PDE4D: variants seen among roughly 807,000 people sequenced by gnomAD.
The protein encoded by PDE4D is 3',5'-cyclic-AMP phosphodiesterase 4D.
Under a neutral mutation model 87.4 loss-of-function variants are expected in PDE4D, and 24 were observed. That is an observed-to-expected ratio of 0.27 (90% CI 0.20 to 0.39). The LOEUF is 0.39. Among genes scored for constraint, PDE4D ranks in the 10% least tolerant of loss-of-function variants. The pLI is 1.00. For synonymous variants in PDE4D, 384 were observed against 383.2 expected (o/e 1.00, Z -0.02); for missense variants, 714 against 1,041.0 (o/e 0.69, Z 4.32).
chr5:59,695,219 T>G (rs1751583074), intron 1 of PDE4D, among the ~76,000 whole-genome samples: 1 of 150,418 alleles, frequency 6.6e-6, no homozygotes, highest in East Asian at 1.9e-4. Context: ...AAATATCGAG[T>G]CAAGGAGCAT....
At chr5:60,499,116 G>T (rs1749950987) in intron 1 of PDE4D, among the ~76,000 whole-genome samples, 1 of 152,162 alleles carries the variant, frequency 6.6e-6, no homozygotes, top group South Asian at 2.1e-4. Flanking sequence ...AAGCATTTTT[G>T]TGAACCCTTT....
chr5:59,336,440 G>A (rs1444149615), intron 1 of PDE4D, among the ~76,000 whole-genome samples: 1 of 152,112 alleles, frequency 6.6e-6, no homozygotes, highest in Non-Finnish European at 1.5e-5. Flanking sequence ...TGTTAATGTT[G>A]TTAGAAACTG....
intron 1 of PDE4D, among the ~76,000 whole-genome samples, chr5:59,584,189 C>T (rs1312098917): frequency 6.6e-6 from 1 of 151,880 alleles, no homozygotes; most frequent in Non-Finnish European, 1.5e-5. Flanking sequence ...GTCAACAAAC[C>T]CCTACAATCT....
chr5:60,460,725 G>C, intron 1 of PDE4D: 1 of 740,900 alleles, frequency 1.3e-6, no homozygotes, highest in Middle Eastern at 3.9e-4. Context: ...GTGGAGACTG[G>C]CATTTGGGGG....
At chr5:59,080,670 C>T (rs899739334) in intron 5 of PDE4D, among the ~76,000 whole-genome samples, 1 of 152,146 alleles carries the variant, frequency 6.6e-6, no homozygotes, top group African/African-American at 2.4e-5. Context: ...ACGTCAAAGA[C>T]ATGAAACAGA....
chr5:59,938,574 G>A (rs187555592), intron 3 of PDE4D, among the ~76,000 whole-genome samples: 1 of 152,186 alleles, frequency 6.6e-6, no homozygotes, highest in African/African-American at 2.4e-5. Flanking sequence ...GCATGGATAT[G>A]CTAATAATCA....
At chr5:60,329,985 C>G (rs550934896) in intron 1 of PDE4D, among the ~76,000 whole-genome samples, 2 of 152,010 alleles carry the variant, frequency 1.3e-5, no homozygotes, top group Non-Finnish European at 2.9e-5. Flanking sequence ...AACAGCTCTG[C>G]GTGGGCAAAA....
chr5:60,321,135 A>T (rs188046430), intron 1 of PDE4D, among the ~76,000 whole-genome samples: 25 of 152,358 alleles, frequency 1.6e-4, no homozygotes, highest in African/African-American at 5.8e-4. Flanking sequence ...GCATCGTATT[A>T]TCTGACTTCA....
intron 1 of PDE4D, among the ~76,000 whole-genome samples, chr5:59,643,057 G>C (rs1190438977): frequency 6.6e-6 from 1 of 152,102 alleles, no homozygotes; most frequent in Admixed American, 6.6e-5. Context: ...GCTCATGAAA[G>C]AATGGAAAAA....
At chr5:60,185,051 G>A (rs773706550) in intron 2 of PDE4D, among the ~76,000 whole-genome samples, 51 of 152,022 alleles carry the variant, frequency 3.4e-4, no homozygotes, top group Non-Finnish European at 6.8e-4. Flanking sequence ...CTTCAGTAGA[G>A]CCCTGAGGAT....
At chr5:59,492,069 C>A (rs1806312603) in intron 1 of PDE4D, among the ~76,000 whole-genome samples, 1 of 152,070 alleles carries the variant, frequency 6.6e-6, no homozygotes. Context: ...TTAAGAGAAC[C>A]CCACCCCCAA....
intron 1 of PDE4D, among the ~76,000 whole-genome samples, chr5:59,639,734 T>C (rs1250193014): frequency 2.0e-5 from 3 of 151,976 alleles, no homozygotes; most frequent in African/African-American, 7.3e-5. Flanking sequence ...GACCCACACA[T>C]TCCTGACAAA....
chr5:59,517,193 AT>A (rs1425336691), intron 1 of PDE4D, among the ~76,000 whole-genome samples: 1 of 152,216 alleles, frequency 6.6e-6, no homozygotes, highest in South Asian at 2.1e-4. Flanking sequence ...TTAAGATTAC[AT>A]TGATTAAACA....
At chr5:59,589,127 T>G (rs1192297699) in intron 1 of PDE4D, among the ~76,000 whole-genome samples, 1 of 152,182 alleles carries the variant, frequency 6.6e-6, no homozygotes, top group East Asian at 1.9e-4. Flanking sequence ...GGCACTCAGA[T>G]GTTAAGTAGC....
intron 2 of PDE4D, among the ~76,000 whole-genome samples, chr5:59,203,719 G>C (rs1053647028): frequency 1.3e-5 from 2 of 152,092 alleles, no homozygotes; most frequent in Non-Finnish European, 2.9e-5. Flanking sequence ...AATACATTAT[G>C]CTTAGTGAAA....
At chr5:60,277,122 C>T (rs927088789) in intron 1 of PDE4D, among the ~76,000 whole-genome samples, 3 of 151,272 alleles carry the variant, frequency 2.0e-5, no homozygotes, top group Non-Finnish European at 4.4e-5. Context: ...ATTTTATATA[C>T]ATATACATAA....
rs149949148 is a variant in PDE4D at position 59,521,377 on chromosome 5, G to A, written c.456-305409C>T. The stretch of plus-strand genomic sequence containing the variant: ...ATGTATAACTGCCCAGTCTCTTGCT[G>A]GAAACGTGGAGACCCCAAGTCTTGT... On this transcript the variant is annotated intron_variant, in intron 1 of 14. Coordinates refer to ENST00000340635, the MANE Select transcript of PDE4D (RefSeq NM_001104631.2). Among the ~76,000 whole-genome samples the A allele has an allele frequency of 6.1e-3, 927 of 152,298 alleles. 20 individuals carry two copies. The highest frequency in any genetic ancestry group is 0.038 in the Admixed American group (576 of 15,308).
At chr5:59,017,751 T>C (rs10044298) in intron 6 of PDE4D, among the ~76,000 whole-genome samples, 15,222 of 152,212 alleles carry the variant, frequency 0.1, 1,022 homozygotes, top group Non-Finnish European at 0.13. Context: ...TAACCAAAAT[T>C]AGAATTTAGT....
intron 1 of PDE4D, among the ~76,000 whole-genome samples, chr5:59,266,687 A>G (rs1428212946): frequency 6.6e-6 from 1 of 152,006 alleles, no homozygotes; most frequent in African/African-American, 2.4e-5. Flanking sequence ...GACAAATACC[A>G]TAGGCAAACA....
Sources: gnomAD v4.1 joint callset for allele counts (sites outside exome capture counted in the v4.1 genomes callset) on GRCh38, gnomAD v4.1.1 for gene constraint, MANE v1.5 for transcripts, NCBI Gene and HGNC (gene_info 2026-07-23, HGNC 2026-07-21) for gene names.